The following IFT81 variants were observed in gnomAD, a reference collection of about 807,000 sequenced individuals.
IFT81 encodes the protein intraflagellar transport 81, also known as intraflagellar transport protein 81 homolog.
Under a neutral mutation model 102.6 loss-of-function variants are expected in IFT81, and 72 were observed. The ratio of observed to expected loss-of-function variants is 0.70; its 90% CI spans 0.58 to 0.85. The LOEUF (loss-of-function observed/expected upper bound fraction) is 0.85. Ranked by LOEUF, IFT81 falls within the 40% of genes least tolerant of loss-of-function variation. The pLI is 0.00. For missense variants in IFT81, 723 were observed against 787.3 expected (o/e 0.92, Z 0.98); for synonymous variants, 237 against 242.7 (o/e 0.98, Z 0.22).
intron 10 of IFT81, among the ~76,000 whole-genome samples, chr12:110,158,628 C>G (rs542545387): frequency 6.6e-6 from 1 of 151,394 alleles, no homozygotes; most frequent in Non-Finnish European, 1.5e-5. Flanking sequence ...CTCGCTCTTT[C>G]GCCCAGGCCA....
intron 12 of IFT81, among the ~76,000 whole-genome samples, chr12:110,182,856 C>T (rs7300045): frequency 0.87 from 132,313 of 152,140 alleles, 57,903 homozygotes; most frequent in African/African-American, 0.97. Flanking sequence ...AAGTGGATCA[C>T]TGGGGATCAT....
chr12:110,180,217 G>A (rs1351131221), intron 11 of IFT81, among the ~76,000 whole-genome samples: 6 of 150,520 alleles, frequency 4.0e-5, no homozygotes, highest in African/African-American at 1.5e-4. Context: ...GGGTTGGGAA[G>A]TTTTATAATA....
Position 110,127,378 on chromosome 12 carries a change from A to G in IFT81, c.-3A>G. The G allele has an allele frequency of 6.4e-7, 1 of 1,567,270 alleles. No homozygotes were observed. Among genetic ancestry groups the G allele is most frequent in the Non-Finnish European group, 8.6e-7 (1 of 1,161,082 alleles). On this transcript the variant is annotated 5_prime_UTR_variant, in exon 2 of 19. Transcript: ENST00000242591. The stretch of plus-strand genomic sequence containing the variant: ...TCTTTAGTTAAAATTATAAGACCTA[A>G]TTATGAGTGATCAAATTAAATTCAT...
intron 11 of IFT81, among the ~76,000 whole-genome samples, chr12:110,176,343 A>C (rs1192037682): frequency 6.6e-6 from 1 of 152,050 alleles, no homozygotes; most frequent in East Asian, 1.9e-4. Context: ...CTCTCTATTT[A>C]CTGCCTACCT....
rs144268603 is a variant in IFT81, at chr12:110,186,717, C to G, written c.1339-4203C>G. Among the ~76,000 whole-genome samples, 1,065 of 151,946 alleles carry G rather than the reference C, an allele frequency of 7.0e-3. 1 individual carries two copies. Among genetic ancestry groups the G allele is most frequent in the Non-Finnish European group, 9.5e-3 (642 of 67,932 alleles). On this transcript the variant is annotated intron_variant, in intron 12 of 18. Transcript: ENST00000242591. ...GTGTATTTTTGGTAGTTTTTTTAGA[C>G]ACAGGGTTTTGCCATGATGCCCAGG...
At chr12:110,181,041 A>G (rs1897300610) in intron 12 of IFT81, among the ~76,000 whole-genome samples, 1 of 151,806 alleles carries the variant, frequency 6.6e-6, no homozygotes, top group Non-Finnish European at 1.5e-5. Context: ...AAGTAGTCCC[A>G]CAGCAAAGTT....
chr12:110,177,314 G>A (rs537173060), intron 11 of IFT81, among the ~76,000 whole-genome samples: 9 of 152,110 alleles, frequency 5.9e-5, no homozygotes, highest in Admixed American at 2.0e-4. Context: ...ACAGAATCTC[G>A]CTCTGTCGCT....
intron 8 of IFT81, among the ~76,000 whole-genome samples, chr12:110,140,200 C>T (rs1894804155): frequency 6.6e-6 from 1 of 152,086 alleles, no homozygotes; most frequent in South Asian, 2.1e-4. Flanking sequence ...GTTTGCTGCA[C>T]CTATCAACCT....
At position 110,139,032 on chromosome 12, in the gene IFT81, C is replaced by T. The variant is rs1318101257; in HGVS notation, c.781+2172C>T. ...TTAAACAGCTTTATTGAGGTAAAATCGACATATAATAAACCACACAAACCC... is the reference window on the plus strand; with the variant it reads ...TTAAACAGCTTTATTGAGGTAAAATTGACATATAATAAACCACACAAACCC... On this transcript the variant is annotated intron_variant, in intron 8 of 18. Transcript: ENST00000242591. 3.3e-5 allele frequency among the ~76,000 whole-genome samples: 5 copies of T among 151,894 alleles called. No homozygotes were observed. The East Asian group carries it at 5.8e-4, about 18-fold the overall frequency.
chr12:110,147,036 G>A lies in IFT81; in HGVS notation c.1029G>A (p.Leu343=), dbSNP rs764978795. The A allele has an allele frequency of 6.2e-7, 1 of 1,608,062 alleles. No homozygotes were observed. Among genetic ancestry groups the A allele is most frequent in the Non-Finnish European group, 8.5e-7 (1 of 1,177,560 alleles). ...RNEPIEGKLS[L]YRQQASIISR... is the part of the protein sequence containing the mutation. ...AGCCCATTGAAGGCAAACTCTCACT[G>A]TATAGGCAACAGGTAAGAACATTCT... Residue 343 remains leucine (L), a synonymous_variant, in exon 10 of 19, where the codon CTG becomes CTA. Transcript: ENST00000242591.
chr12:110,179,724 T>TTATATATATA (rs751481208), intron 11 of IFT81, among the ~76,000 whole-genome samples: 4 of 48,698 alleles, frequency 8.2e-5, no homozygotes, highest in South Asian at 7.2e-4. Flanking sequence ...TATCTCGAAA[T>TTATATATATA]TATATATATA....
rs774580283 is a variant in IFT81, at chr12:110,135,353, G to A, written c.612G>A (p.Trp204Ter). The A allele has an allele frequency of 1.9e-6, 3 of 1,612,596 alleles. No homozygotes were observed. The highest frequency in any genetic ancestry group is 2.2e-5 in the South Asian group (2 of 90,958). Residue 204 changes from tryptophan (W) to a stop codon, truncating the protein, a stop_gained, in exon 7 of 19, where the codon TGG becomes TGA. Coordinates refer to ENST00000242591, the MANE Select transcript of IFT81 (RefSeq NM_014055.4). LOFTEE classifies it high-confidence loss of function. ...TTGAGACAGCTCAGAATCATCAATG[G>A]ATGCTTAAAATAGCAAGGCAACTTC... ...KRVETAQNHQ[W>*]MLKIARQLRV... is the part of the protein sequence containing the mutation.
intron 11 of IFT81, among the ~76,000 whole-genome samples, chr12:110,166,149 C>T (rs1896423870): frequency 6.6e-6 from 1 of 152,170 alleles, no homozygotes; most frequent in South Asian, 2.1e-4. Context: ...ATGCTTAGAA[C>T]AGCACTAGGC....
intron 12 of IFT81, among the ~76,000 whole-genome samples, chr12:110,190,161 C>A (rs1045344383): frequency 6.6e-6 from 1 of 152,126 alleles, no homozygotes; most frequent in Non-Finnish European, 1.5e-5. Flanking sequence ...GATAACAATA[C>A]AACTTATTAT....
chr12:110,216,799 C>T (rs1456779946), intron 18 of IFT81: 1 of 331,932 alleles, frequency 3.0e-6, no homozygotes, highest in East Asian at 9.1e-5. Flanking sequence ...TCCTGTTTTC[C>T]ACTTGAAACT....
Position 110,136,801 on chromosome 12 carries a change from A to C in IFT81, c.722A>C (p.Gln241Pro). 1 of 1,612,344 alleles carries C rather than the reference A, an allele frequency of 6.2e-7. No homozygotes were observed. Residue 241 changes from glutamine (Q) to proline (P), a missense_variant, in exon 8 of 19, where the codon CAA becomes CCA. By Grantham distance (76) the Gln-to-Pro change is moderately conservative. Transcript: ENST00000242591. Reference protein sequence around the residue: ...NQLFHAVQRLQRVQNQLKSMR... With the variant: ...NQLFHAVQRLPRVQNQLKSMR... ...CTATTTCATGCAGTGCAAAGATTGCAAAGAGTACAAAACCAGCTGAAAAGC... is the reference window on the plus strand; with the variant it reads ...CTATTTCATGCAGTGCAAAGATTGCCAAGAGTACAAAACCAGCTGAAAAGC...
At position 110,207,785 on chromosome 12, in the gene IFT81, G is replaced by A. The variant is rs186375386; in HGVS notation, c.1803-1386G>A. On this transcript the variant is annotated intron_variant, in intron 17 of 18. Coordinates refer to ENST00000242591, the MANE Select transcript of IFT81 (RefSeq NM_014055.4). The stretch of plus-strand genomic sequence containing the variant: ...TCACCGTGTTAGCCAGGATGGTCTC[G>A]ATCTCCTGACCTCGTGAGCCACCGC... Among the ~76,000 whole-genome samples, 393 of 151,848 alleles carry A rather than the reference G, an allele frequency of 2.6e-3. 7 individuals carry two copies. The highest frequency in any genetic ancestry group is 8.9e-3 in the African/African-American group (369 of 41,436).
intron 11 of IFT81, among the ~76,000 whole-genome samples, chr12:110,171,166 A>G (rs1270824118): frequency 6.6e-6 from 1 of 152,204 alleles, no homozygotes; most frequent in Non-Finnish European, 1.5e-5. Context: ...AGAATCAAAT[A>G]AATTTGGCTC....
At chr12:110,153,766 A>G (rs2137402272) in intron 10 of IFT81, among the ~76,000 whole-genome samples, 2 of 150,538 alleles carry the variant, frequency 1.3e-5, no homozygotes, top group South Asian at 4.2e-4. Flanking sequence ...ATGCACCACC[A>G]TGCCAGCTAA....
Sources: allele counts gnomAD v4.1 joint callset (sites outside exome capture counted in the v4.1 genomes callset), GRCh38; gene constraint gnomAD v4.1.1; transcripts MANE v1.5; gene names NCBI Gene and HGNC (gene_info 2026-07-23, HGNC 2026-07-21).